Variants in ST6GALNAC3 observed in about 807,000 individuals in gnomAD.
ST6GALNAC3 encodes ST6 N-acetylgalactosaminide alpha-2,6-sialyltransferase 3.
A neutral mutation model predicts 32.7 loss-of-function variants in ST6GALNAC3; 25 were observed. The observed-to-expected ratio is 0.76, with a 90% CI of 0.56 to 1.07. ST6GALNAC3 has a LOEUF of 1.07. Ranked by LOEUF, ST6GALNAC3 falls within the 50% of genes least tolerant of loss-of-function variation. The probability of loss-of-function intolerance (pLI) is 0.00; values close to 1 mark genes in which losing one functional copy is unlikely to be tolerated. For missense variants in ST6GALNAC3, 355 were observed against 382.4 expected, an observed-to-expected ratio of 0.93 and a Z score of 0.60; for synonymous variants, 129 against 133.1, an observed-to-expected ratio of 0.97 and a Z score of 0.21.
At chr1:76,466,478 G>A (rs73006168) in intron 3 of ST6GALNAC3, among the ~76,000 whole-genome samples, 4 of 152,128 alleles carry the variant, frequency 2.6e-5, no homozygotes, top group African/African-American at 7.2e-5. Context: ...AAATTAGAAA[G>A]CATTTTTAAA....
At chr1:76,185,872 A>T (rs1332102690) in intron 1 of ST6GALNAC3, among the ~76,000 whole-genome samples, 1 of 152,232 alleles carries the variant, frequency 6.6e-6, no homozygotes, top group Non-Finnish European at 1.5e-5. Flanking sequence ...CCTTGTCATT[A>T]AGTCTGAAAC....
intron 3 of ST6GALNAC3, among the ~76,000 whole-genome samples, chr1:76,513,382 A>G (rs942159062): frequency 1.3e-5 from 2 of 152,136 alleles, no homozygotes; most frequent in African/African-American, 2.4e-5. Context: ...TTTATTTAAA[A>G]CACTGTCTTT....
intron 1 of ST6GALNAC3, among the ~76,000 whole-genome samples, chr1:76,217,912 G>A (rs1278452949): frequency 1.3e-5 from 2 of 152,046 alleles, no homozygotes; most frequent in Non-Finnish European, 2.9e-5. Flanking sequence ...TTATCAGCTT[G>A]TTGGCGGATG....
chr1:76,143,433 G>GTGTCCGTC (rs1395377609), intron 1 of ST6GALNAC3, among the ~76,000 whole-genome samples: 1 of 147,516 alleles, frequency 6.8e-6, no homozygotes, highest in East Asian at 2.0e-4. Flanking sequence ...GTCCGTCTGT[G>GTGTCCGTC]TGTGCATGTA....
intron 1 of ST6GALNAC3, among the ~76,000 whole-genome samples, chr1:76,191,131 T>C (rs1235526888): frequency 1.3e-5 from 2 of 152,130 alleles, no homozygotes; most frequent in Admixed American, 1.3e-4. Flanking sequence ...GGAGTGGTTG[T>C]GGAGAAGGTC....
At chr1:76,084,542 G>A (rs1376724540) in intron 1 of ST6GALNAC3, among the ~76,000 whole-genome samples, 2 of 152,148 alleles carry the variant, frequency 1.3e-5, no homozygotes, top group Non-Finnish European at 2.9e-5. Context: ...ACATATGGGA[G>A]CAATTTAAAT....
At chr1:76,357,669 A>T (rs957276634) in intron 2 of ST6GALNAC3, among the ~76,000 whole-genome samples, 3 of 152,118 alleles carry the variant, frequency 2.0e-5, no homozygotes, top group Admixed American at 2.0e-4. Context: ...GTGCCTCAAC[A>T]TTTCTGTTAG....
intron 2 of ST6GALNAC3, among the ~76,000 whole-genome samples, chr1:76,316,935 C>G (rs546041448): frequency 6.6e-6 from 1 of 152,138 alleles, no homozygotes; most frequent in African/African-American, 2.4e-5. Flanking sequence ...CTAAAGCAAA[C>G]TAGGAATATT....
intron 1 of ST6GALNAC3, among the ~76,000 whole-genome samples, chr1:76,270,916 A>G (rs184154569): frequency 1.2e-4 from 19 of 152,338 alleles, no homozygotes; most frequent in African/African-American, 4.6e-4. Context: ...CTCTTGAGAA[A>G]TGTAGAATTT....
chr1:76,491,063 G>A (rs1660469979), intron 3 of ST6GALNAC3, among the ~76,000 whole-genome samples: 1 of 151,898 alleles, frequency 6.6e-6, no homozygotes, highest in South Asian at 2.1e-4. Context: ...TCTCCAAGTT[G>A]GTCAGGCTGG....
chr1:76,329,262 G>C (rs182269267), intron 2 of ST6GALNAC3, among the ~76,000 whole-genome samples: 4 of 152,106 alleles, frequency 2.6e-5, no homozygotes, highest in African/African-American at 9.7e-5. Flanking sequence ...ATAGAAGAAT[G>C]CCTCCTAAGT....
At chr1:76,284,298 C>G (rs973432576) in intron 1 of ST6GALNAC3, among the ~76,000 whole-genome samples, 5 of 152,090 alleles carry the variant, frequency 3.3e-5, no homozygotes, top group Non-Finnish European at 7.4e-5. Context: ...TAAGCAAAAA[C>G]TGACAAAAAG....
intron 3 of ST6GALNAC3, among the ~76,000 whole-genome samples, chr1:76,526,098 G>C (rs1376002958): frequency 6.6e-6 from 1 of 151,634 alleles, no homozygotes; most frequent in Non-Finnish European, 1.5e-5. Context: ...TTTTGGAAGA[G>C]CATAAATTTA....
At chr1:76,617,453 A>G (rs1000072756) in intron 3 of ST6GALNAC3, among the ~76,000 whole-genome samples, 12 of 152,188 alleles carry the variant, frequency 7.9e-5, no homozygotes, top group African/African-American at 2.9e-4. Context: ...TACCTTTATC[A>G]GGTTAGCAGG....
At chr1:76,608,570 G>C (rs144903671) in intron 3 of ST6GALNAC3, among the ~76,000 whole-genome samples, 1 of 150,550 alleles carries the variant, frequency 6.6e-6, no homozygotes, top group African/African-American at 2.4e-5. Flanking sequence ...CTGTTGTCAG[G>C]GGAAGATCAA....
chr1:76,294,599 C>T (rs1467127921), intron 1 of ST6GALNAC3, among the ~76,000 whole-genome samples: 6 of 151,908 alleles, frequency 3.9e-5, no homozygotes, highest in South Asian at 2.1e-4. Flanking sequence ...GTGTTTATAG[C>T]GGGTTTCATC....
intron 3 of ST6GALNAC3, among the ~76,000 whole-genome samples, chr1:76,557,400 A>T (rs1192944040): frequency 6.6e-6 from 1 of 152,034 alleles, no homozygotes; most frequent in African/African-American, 2.4e-5. Flanking sequence ...TTAACTCATC[A>T]ATGGGAAATT....
chr1:76,536,427 G>A (rs1414570330), intron 3 of ST6GALNAC3, among the ~76,000 whole-genome samples: 2 of 151,956 alleles, frequency 1.3e-5, no homozygotes, highest in Non-Finnish European at 2.9e-5. Flanking sequence ...CCTTCACATG[G>A]TGTCAAGAAG....
At chr1:76,524,991 T>G in intron 3 of ST6GALNAC3, among the ~76,000 whole-genome samples, 1 of 152,124 alleles carries the variant, frequency 6.6e-6, no homozygotes. Context: ...AAATATTACC[T>G]ACCACATAAA....
Sources: gnomAD v4.1 joint callset for allele counts (sites outside exome capture counted in the v4.1 genomes callset) on GRCh38, gnomAD v4.1.1 for gene constraint, MANE v1.5 for transcripts, NCBI Gene and HGNC (gene_info 2026-07-23, HGNC 2026-07-21) for gene names.